The following ZNF814 variants were observed in gnomAD, a reference collection of about 807,000 sequenced individuals.
The protein encoded by ZNF814 is zinc finger protein 814.
In ZNF814, 5 loss-of-function variants were observed where a neutral mutation model predicts 7.5. That is an observed-to-expected ratio of 0.67 (90% CI 0.35 to 1.40). The LOEUF is 1.40. ZNF814 is among the 40% of genes most tolerant of loss of function. ZNF814 has a pLI of 0.04. For missense variants in ZNF814, 962 were observed against 1,018.0 expected, an observed-to-expected ratio of 0.94 and a Z score of 0.75; for synonymous variants, 315 against 340.7, an observed-to-expected ratio of 0.92 and a Z score of 0.83.
In ZNF814 at chr19:57,869,620, T is replaced by C. The variant is rs1405700728; in HGVS notation, c.*3202A>G. On this transcript the variant is annotated 3_prime_UTR_variant, in exon 3 of 3. Coordinates refer to ENST00000435989, the MANE Select transcript of ZNF814 (RefSeq NM_001144989.2). Reference sequence around the variant, plus strand: ...TACAGCTTAAATATGCATAGCTTACTGAATGTCATTTATAACTCATCACAG... The same window carrying C: ...TACAGCTTAAATATGCATAGCTTACCGAATGTCATTTATAACTCATCACAG... The C allele has an allele frequency of 6.6e-6, 1 of 152,186 alleles. No homozygotes were observed. Among genetic ancestry groups the C allele is most frequent in the East Asian group, 1.9e-4 (1 of 5,186 alleles). 9.4% of individuals were successfully genotyped at this position (152,186 alleles called of 1,614,324 possible). A position where few individuals can be genotyped will look rare whatever the true frequency, so the allele number is the denominator to read the frequency against.
chr19:57,885,896 T>C (rs1166672537), intron 1 of ZNF814: 4 of 148,974 alleles, frequency 2.7e-5, no homozygotes, highest in Non-Finnish European at 4.4e-5. Context: ...TATCAAAATA[T>C]CTCCTGTAGG....
intron 2 of ZNF814, among the ~76,000 whole-genome samples, chr19:57,875,532 G>C (rs1318834267): frequency 6.6e-6 from 1 of 152,230 alleles, no homozygotes; most frequent in African/African-American, 2.4e-5. Flanking sequence ...ACATGTGAGT[G>C]CTGTAGAGAG....
chr19:57,889,019 A>C lies in ZNF814; in HGVS notation c.-217T>G, dbSNP rs901500048. On this transcript the variant is annotated 5_prime_UTR_variant, in exon 1 of 3. Coordinates refer to ENST00000435989, the MANE Select transcript of ZNF814 (RefSeq NM_001144989.2). ...GCTCAGGAGCCTCTCCTACAAATAA[A>C]TCCAACACCAATCAAAATGGCCGCC... The C allele has an allele frequency of 5.4e-6, 3 of 557,386 alleles. No homozygotes were observed. In the Admixed American group the frequency reaches 9.2e-5, roughly 17 times the overall value. 34.5% of individuals were successfully genotyped at this position (557,386 alleles called of 1,614,324 possible). A position where few individuals can be genotyped will look rare whatever the true frequency, so the allele number is the denominator to read the frequency against.
chr19:57,895,191 T>C, the ZNF814 span, among the ~76,000 whole-genome samples: 2 of 152,094 alleles, frequency 1.3e-5, no homozygotes, highest in African/African-American at 4.8e-5. Flanking sequence ...TAGGAAGGAC[T>C]AAATCTTAGG....
At position 57,872,960 on chromosome 19, in the gene ZNF814, A is replaced by G; in HGVS notation, c.2430T>C (p.Ala810=). 6.2e-7 allele frequency: 1 copy of G among 1,613,032 alleles called. No individual in the cohort carries two copies. Among genetic ancestry groups the G allele is most frequent in the Non-Finnish European group, 8.5e-7 (1 of 1,179,750 alleles). The part of the protein sequence containing the change: ...YECSECGKSF[A]ESSSLTKHKR... ...TGTGTTTAGTGAGACTGGAGCTTTC[A>G]GCAAAAGATTTTCCACATTCACTGC... The change falls in exon 3 of 3, where the codon GCT becomes GCC. Residue 810 remains alanine, a synonymous_variant. Coordinates refer to ENST00000435989, the MANE Select transcript of ZNF814 (RefSeq NM_001144989.2).
In ZNF814 at chr19:57,874,233, C is replaced by G; in HGVS notation, c.1157G>C (p.Gly386Ala). The G allele has an allele frequency of 5.1e-6, 8 of 1,579,090 alleles. No homozygotes were observed. The highest frequency in any genetic ancestry group is 6.9e-6 in the Non-Finnish European group (8 of 1,162,318). Reference protein sequence around the residue: ...GKRPYECGECGKSFSKYASFS... With the variant: ...GKRPYECGECAKSFSKYASFS... ...GCTAGCATATTTGCTAAACGATTTC[C>G]CACATTCTCCACATTCATAAGGTCT... The change falls in exon 3 of 3, where the codon GGG becomes GCG. Residue 386 changes from glycine to alanine, a missense_variant. Gly to Ala is a moderately conservative substitution (Grantham distance 60). Around this residue, in one of 7 missense-constraint regions of ZNF814, gnomAD observed 13 missense variants for 27.7 expected, o/e 0.47. Coordinates refer to ENST00000435989, the MANE Select transcript of ZNF814 (RefSeq NM_001144989.2).
chr19:57,886,152 G>A (rs1288924407), intron 1 of ZNF814, among the ~76,000 whole-genome samples: 1 of 152,028 alleles, frequency 6.6e-6, no homozygotes, highest in Admixed American at 6.6e-5. Flanking sequence ...ACCAGTGAGG[G>A]AATGGAACAC....
chr19:57,873,036 G>C lies in ZNF814; in HGVS notation c.2354C>G (p.Ser785Cys). 1 of 1,613,510 alleles carries C rather than the reference G, an allele frequency of 6.2e-7. No individual in the cohort carries two copies. The highest frequency in any genetic ancestry group is 8.5e-7 in the Non-Finnish European group (1 of 1,179,786). The change falls in exon 3 of 3, where the codon TCC (serine) becomes TGC (cysteine). Residue 785 changes from serine to cysteine, a missense_variant. Coordinates refer to ENST00000435989, the MANE Select transcript of ZNF814 (RefSeq NM_001144989.2). Reference protein sequence around the residue: ...SECGKSFAESSSFTKHKRVHT... With the variant: ...SECGKSFAESCSFTKHKRVHT... ...AACTCTTTTGTGTTTTGTGAAACTG[G>C]AGCTTTCAGCGAAAGATTTTCCACA... is the stretch of plus-strand genomic sequence containing the variant.
chr19:57,902,461 C>A, the ZNF814 span, among the ~76,000 whole-genome samples: 1 of 152,146 alleles, frequency 6.6e-6, no homozygotes. Context: ...ATGATATCTC[C>A]TGCCATAGGA....
chr19:57,875,588 C>T (rs1429733939), intron 2 of ZNF814, among the ~76,000 whole-genome samples: 1 of 152,166 alleles, frequency 6.6e-6, no homozygotes, highest in Non-Finnish European at 1.5e-5. Flanking sequence ...ACAGCAGCTA[C>T]TCGAGGAGAG....
chr19:57,904,644 T>G, the ZNF814 span, among the ~76,000 whole-genome samples: 1 of 152,214 alleles, frequency 6.6e-6, no homozygotes, highest in African/African-American at 2.4e-5. Flanking sequence ...CTAATGGACT[T>G]TCACGGATTT....
intron 1 of ZNF814, among the ~76,000 whole-genome samples, chr19:57,886,434 A>T (rs2071694233): frequency 6.6e-6 from 1 of 152,122 alleles, no homozygotes; most frequent in African/African-American, 2.4e-5. Context: ...TCTTCCTTTG[A>T]TTGGCCTTCG....
At chr19:57,885,087 C>G (rs12327691) in intron 1 of ZNF814, among the ~76,000 whole-genome samples, 2 of 151,546 alleles carry the variant, frequency 1.3e-5, no homozygotes, top group African/African-American at 2.4e-5. Context: ...TTTGGGAGGA[C>G]GAGGCCGGTG....
chr19:57,883,963 C>T (rs190627847), intron 1 of ZNF814, among the ~76,000 whole-genome samples: 1 of 152,134 alleles, frequency 6.6e-6, no homozygotes, highest in East Asian at 2.0e-4. Context: ...CCCCATGTTG[C>T]CCAGGCTGGT....
the ZNF814 span, among the ~76,000 whole-genome samples, chr19:57,898,040 C>T: frequency 1.3e-5 from 2 of 152,108 alleles, no homozygotes; most frequent in Non-Finnish European, 2.9e-5. Flanking sequence ...AGTAACCATC[C>T]AAGGAAAGGA....
At chr19:57,880,612 T>C (rs139081883) in intron 1 of ZNF814, among the ~76,000 whole-genome samples, 57 of 115,068 alleles carry the variant, frequency 5.0e-4, no homozygotes, top group East Asian at 2.7e-3. Context: ...CTTTTTTTTT[T>C]CTTTTTTTTT....
Position 57,873,708 on chromosome 19 carries a change from C to A in ZNF814, c.1682G>T (p.Gly561Val), listed in dbSNP as rs1322846966. Reference protein sequence around the residue: ...GECGKSFSHKGTLILHQRVHP... With the variant: ...GECGKSFSHKVTLILHQRVHP... ...AACTCGCTGATGTAGAATGAGGGTG[C>A]CTTTATGACTAAAAGATTTCCCACA... The change falls in exon 3 of 3, where the codon GGC (glycine) becomes GTC (valine). Residue 561 changes from glycine (G) to valine (V), a missense_variant. Coordinates refer to ENST00000435989, the MANE Select transcript of ZNF814 (RefSeq NM_001144989.2). The A allele has an allele frequency of 1.2e-6, 2 of 1,613,256 alleles. No individual in the cohort carries two copies. Among genetic ancestry groups the A allele is most frequent in the African/African-American group, 1.3e-5 (1 of 74,834 alleles).
At chr19:57,901,071 C>T in the ZNF814 span, among the ~76,000 whole-genome samples, 11 of 150,752 alleles carry the variant, frequency 7.3e-5, no homozygotes, top group African/African-American at 2.7e-4. Flanking sequence ...CTCCTGACCT[C>T]GTGATCCGCC....
Position 57,873,936 on chromosome 19 carries a change from A to C in ZNF814, c.1454T>G (p.Val485Gly). Reference protein sequence around the residue: ...HKRSLVHHQRVHSGERPYQCG... With the variant: ...HKRSLVHHQRGHSGERPYQCG... Reference sequence around the variant, plus strand: ...CTGATAAGGTCTTTCTCCACTGTGAACTCGCTGATGGTGAACAAGGCTGCG... The same window carrying C: ...CTGATAAGGTCTTTCTCCACTGTGACCTCGCTGATGGTGAACAAGGCTGCG... The change falls in exon 3 of 3, where the codon GTT becomes GGT. Residue 485 changes from valine to glycine, a missense_variant. By Grantham distance (109) the Val-to-Gly change is moderately radical. Transcript: ENST00000435989. 1 of 1,613,874 alleles carries C rather than the reference A, an allele frequency of 6.2e-7. No individual in the cohort carries two copies. Among genetic ancestry groups the C allele is most frequent in the Non-Finnish European group, 8.5e-7 (1 of 1,179,914 alleles).
Sources: allele counts gnomAD v4.1 joint callset (sites outside exome capture counted in the v4.1 genomes callset), GRCh38; gene constraint gnomAD v4.1.1; regional missense constraint gnomAD v4.1.1; transcripts MANE v1.5; gene names NCBI Gene and HGNC (gene_info 2026-07-23, HGNC 2026-07-21).